The following EXOC2 variants were observed in gnomAD, a reference collection of about 807,000 sequenced individuals.
EXOC2 encodes the protein SEC5-like 1.
EXOC2 carries 70 observed loss-of-function variants against 131.8 expected under a neutral mutation model. The ratio of observed to expected loss-of-function variants is 0.53; its 90% CI spans 0.44 to 0.65. EXOC2 has a LOEUF of 0.65. Among genes scored for constraint, EXOC2 ranks in the 30% least tolerant of loss-of-function variants. The pLI is 0.00. For missense variants in EXOC2, 923 were observed against 1,108.6 expected (o/e 0.83, Z 2.38); for synonymous variants, 411 against 398.4 (o/e 1.03, Z -0.38).
At chr6:677,321 T>A (rs1007184701) in intron 1 of EXOC2, among the ~76,000 whole-genome samples, 1 of 152,252 alleles carries the variant, frequency 6.6e-6, no homozygotes, top group Non-Finnish European at 1.5e-5. Flanking sequence ...ACCCCTTCAT[T>A]AGTGGGTTGA....
At chr6:671,163 T>C (rs143482165) in intron 1 of EXOC2, among the ~76,000 whole-genome samples, 5 of 151,094 alleles carry the variant, frequency 3.3e-5, no homozygotes, top group African/African-American at 9.7e-5. Context: ...TAGAGACCAG[T>C]CTGGCCAACA....
intron 4 of EXOC2, among the ~76,000 whole-genome samples, chr6:624,010 T>C (rs1404746660): frequency 6.6e-6 from 1 of 152,224 alleles, no homozygotes; most frequent in Non-Finnish European, 1.5e-5. Context: ...GAATATTGTA[T>C]ATTATGAAAA....
chr6:499,194 G>A (rs1372116157), intron 24 of EXOC2, among the ~76,000 whole-genome samples: 2 of 152,140 alleles, frequency 1.3e-5, no homozygotes, highest in African/African-American at 4.8e-5. Context: ...CCTGCCCCGA[G>A]TCTCTTTCTA....
rs1488908029 is a variant in EXOC2, at chr6:594,987, G to A, written c.1074-2400C>T. ...AAGAATGTTAATTATGATTAACACA[G>A]GCTCAGTATTTTAAAATTTAAGAAT... On this transcript the variant is annotated intron_variant, in intron 10 of 27. Transcript: ENST00000230449. 1.3e-5 allele frequency among the ~76,000 whole-genome samples: 2 copies of A among 150,396 alleles called. 1 individual carries two copies. The highest frequency in any genetic ancestry group is 5.0e-5 in the African/African-American group (2 of 39,776).
chr6:559,201 C>T (rs1757576840), intron 17 of EXOC2, among the ~76,000 whole-genome samples: 1 of 152,072 alleles, frequency 6.6e-6, no homozygotes, highest in African/African-American at 2.4e-5. Flanking sequence ...GAGAAGAAAA[C>T]AGGATGCTTT....
intron 25 of EXOC2, among the ~76,000 whole-genome samples, chr6:494,914 C>T (rs1581292290): frequency 6.6e-6 from 1 of 152,162 alleles, no homozygotes; most frequent in Non-Finnish European, 1.5e-5. Context: ...GGGTGTCACT[C>T]TGTCGCCCAG....
intron 1 of EXOC2, among the ~76,000 whole-genome samples, chr6:659,620 C>T (rs148499528): frequency 5.5e-4 from 84 of 152,282 alleles, no homozygotes; most frequent in African/African-American, 1.8e-3. Context: ...GGTCTGTTTG[C>T]GGGAGAAGTT....
At chr6:523,278 C>A (rs1765573255) in intron 23 of EXOC2, among the ~76,000 whole-genome samples, 2 of 152,180 alleles carry the variant, frequency 1.3e-5, no homozygotes, top group Admixed American at 1.3e-4. Context: ...ACCCTGGCTC[C>A]CCAGATGCTG....
chr6:573,273 A>G (rs112789492), intron 12 of EXOC2, among the ~76,000 whole-genome samples: 11 of 152,330 alleles, frequency 7.2e-5, no homozygotes, highest in African/African-American at 2.4e-4. Flanking sequence ...AAGGGCTTAG[A>G]CTTCTTGTGG....
intron 23 of EXOC2, among the ~76,000 whole-genome samples, chr6:512,339 G>C (rs1267915190): frequency 2.0e-5 from 3 of 152,186 alleles, no homozygotes; most frequent in African/African-American, 7.2e-5. Context: ...TTCCTCCTCA[G>C]CCTACTCAAT....
At chr6:572,775 G>A in intron 12 of EXOC2, 131 bp from the exon 13 acceptor site, 1 of 1,162,478 alleles carries the variant, frequency 8.6e-7, no homozygotes, top group Non-Finnish European at 1.2e-6. Flanking sequence ...AGTCTGCGTG[G>A]ACGCTCGCGG....
intron 1 of EXOC2, among the ~76,000 whole-genome samples, chr6:674,417 T>G (rs1764016014): frequency 6.6e-6 from 1 of 152,140 alleles, no homozygotes; most frequent in African/African-American, 2.4e-5. Flanking sequence ...ATGTACCCTG[T>G]TAAAAAAAAA....
Position 619,415 on chromosome 6 carries a change from C to A in EXOC2, c.536+15G>T, listed in dbSNP as rs1182712258. On this transcript the variant is annotated intron_variant, in intron 5 of 27. Coordinates refer to ENST00000230449, the MANE Select transcript of EXOC2 (RefSeq NM_018303.6). ...AGTGAAACCCTTCACAGTTGACAGT[C>A]CCATATCCACTAACCTGGTGTTTGA... 1.3e-6 allele frequency: 2 copies of A among 1,586,644 alleles called. No homozygotes were observed. Among genetic ancestry groups the A allele is most frequent in the African/African-American group, 2.7e-5 (2 of 74,354 alleles).
chr6:488,976 T>G lies in EXOC2; in HGVS notation c.2681+3A>C, dbSNP rs745521669. 4 of 1,614,028 alleles carry G rather than the reference T, an allele frequency of 2.5e-6. No homozygotes were observed. The highest frequency in any genetic ancestry group is 2.2e-5 in the South Asian group (2 of 91,054). Reference sequence around the variant, plus strand: ...GCTCCTAAGAACAGCACACAGGACTTACTTTTTATCTGCTCCACTGGAAAG... The same window carrying G: ...GCTCCTAAGAACAGCACACAGGACTGACTTTTTATCTGCTCCACTGGAAAG... On this transcript the variant is annotated splice_donor_region_variant and intron_variant, in intron 27 of 27. Transcript: ENST00000230449.
intron 6 of EXOC2, among the ~76,000 whole-genome samples, chr6:614,638 T>C (rs574114328): frequency 5.1e-4 from 77 of 151,942 alleles, no homozygotes; most frequent in African/African-American, 1.9e-3. Flanking sequence ...ATCTAAACCA[T>C]CAAAAGTGAC....
At chr6:513,094 G>A (rs1462689158) in intron 23 of EXOC2, among the ~76,000 whole-genome samples, 2 of 152,188 alleles carry the variant, frequency 1.3e-5, no homozygotes, top group African/African-American at 2.4e-5. Context: ...CAGCAGAGCC[G>A]TTATGAATGC....
At chr6:613,041 G>A (rs922206577) in intron 6 of EXOC2, among the ~76,000 whole-genome samples, 3 of 152,106 alleles carry the variant, frequency 2.0e-5, no homozygotes, top group Admixed American at 6.5e-5. Flanking sequence ...ACAGCTCCAG[G>A]AACCTCACCA....
intron 1 of EXOC2, among the ~76,000 whole-genome samples, chr6:644,730 A>T (rs1302489588): frequency 6.6e-6 from 1 of 152,154 alleles, no homozygotes; most frequent in Non-Finnish European, 1.5e-5. Flanking sequence ...AAAATTTTTT[A>T]AATTTTGAAA....
chr6:577,416 T>C (rs1758644367), intron 11 of EXOC2, among the ~76,000 whole-genome samples: 1 of 152,222 alleles, frequency 6.6e-6, no homozygotes, highest in African/African-American at 2.4e-5. Flanking sequence ...AGAAATTGTC[T>C]TTATTGTCTC....
Sources: allele counts gnomAD v4.1 joint callset (sites outside exome capture counted in the v4.1 genomes callset), GRCh38; gene constraint gnomAD v4.1.1; transcripts MANE v1.5; gene names NCBI Gene and HGNC (gene_info 2026-07-23, HGNC 2026-07-21).